The following SGMS2 variants were observed in gnomAD, a reference collection of about 807,000 sequenced individuals.
The protein encoded by SGMS2 is sphingomyelin synthase 2, also known as phosphatidylcholine:ceramide cholinephosphotransferase 2.
Under a neutral mutation model 43.8 loss-of-function variants are expected in SGMS2, and 21 were observed. The ratio of observed to expected loss-of-function variants is 0.48; its 90% CI spans 0.34 to 0.69. SGMS2 has a LOEUF of 0.69. Ranked by LOEUF, SGMS2 falls within the 30% of genes least tolerant of loss-of-function variation. SGMS2 has a pLI of 0.01. For missense variants in SGMS2, 384 were observed against 443.2 expected, an observed-to-expected ratio of 0.87 and a Z score of 1.20; for synonymous variants, 167 against 160.6, an observed-to-expected ratio of 1.04 and a Z score of -0.30.
At chr4:107,883,815 A>G (rs1253052158) in intron 2 of SGMS2, among the ~76,000 whole-genome samples, 2 of 152,234 alleles carry the variant, frequency 1.3e-5, no homozygotes, top group African/African-American at 4.8e-5. Flanking sequence ...TAAAAATGCC[A>G]TTCAAACCCA....
chr4:107,850,626 A>G (rs1727084396), intron 1 of SGMS2, among the ~76,000 whole-genome samples: 1 of 152,084 alleles, frequency 6.6e-6, no homozygotes, highest in African/African-American at 2.4e-5. Context: ...CATTAGTAAC[A>G]TTTACTCCTT....
chr4:107,850,481 G>GGA (rs1410113810), intron 1 of SGMS2, among the ~76,000 whole-genome samples: 5 of 152,108 alleles, frequency 3.3e-5, no homozygotes, highest in African/African-American at 1.2e-4. Context: ...GACTCTTTAT[G>GGA]GAGGTAAGGG....
Position 107,825,046 on chromosome 4 carries a change from G to A in SGMS2, c.-534G>A, listed in dbSNP as rs1224178921. On this transcript the variant is annotated 5_prime_UTR_variant, in exon 1 of 7. Transcript: ENST00000690982. ...GCGGCCTCGGGGGCGGCGGCCGCGG[G>A]AGGGACCCGGAGAGCTGCTTCCCCT... 1 of 152,062 alleles carries A rather than the reference G, an allele frequency of 6.6e-6. No homozygotes were observed. The highest frequency in any genetic ancestry group is 1.5e-5 in the Non-Finnish European group (1 of 68,058). 9.4% of individuals were successfully genotyped at this position (152,062 alleles called of 1,614,324 possible).
intron 2 of SGMS2, among the ~76,000 whole-genome samples, chr4:107,892,214 G>C (rs1434691568): frequency 3.4e-5 from 4 of 116,230 alleles, no homozygotes; most frequent in Non-Finnish European, 5.0e-5. Flanking sequence ...CCTGCCTTGT[G>C]TTGGAAGCAA....
chr4:107,893,932 T>C (rs1199450213), intron 2 of SGMS2, among the ~76,000 whole-genome samples: 6 of 152,320 alleles, frequency 3.9e-5, no homozygotes, highest in Non-Finnish European at 7.4e-5. Flanking sequence ...TTGGTTAGAC[T>C]GCAAGCTCTT....
rs1729132584 is a variant in SGMS2, at chr4:107,878,981, G to A, written c.-244-16329G>A. On this transcript the variant is annotated intron_variant, in intron 2 of 6. Transcript: ENST00000690982. ...ATCCCTGTGTGCTACACTGTGGACT[G>A]CAGATCATCCCTGCTTGTGAGATAC... Among the ~76,000 whole-genome samples the A allele has an allele frequency of 2.0e-5, 3 of 152,222 alleles. No individual in the cohort carries two copies. In the South Asian group the frequency reaches 6.2e-4, roughly 32 times the overall value.
At chr4:107,855,347 G>A (rs1329268055) in intron 1 of SGMS2, among the ~76,000 whole-genome samples, 1 of 152,006 alleles carries the variant, frequency 6.6e-6, no homozygotes, top group East Asian at 1.9e-4. Context: ...AAATTCCCTC[G>A]GTACTGCTTT....
In SGMS2 at chr4:107,831,383, C is replaced by T. The variant is rs185877628; in HGVS notation, c.-327+6130C>T. On this transcript the variant is annotated intron_variant, in intron 1 of 6. Transcript: ENST00000690982. ...GCTTGGACCTGAGTCACAGCACTGC[C>T]ACTCATCACTAGATACCCTGGAGCA... Among the ~76,000 whole-genome samples, 464 of 152,276 alleles carry T rather than the reference C, an allele frequency of 3.0e-3. 2 individuals are homozygous for T. Among genetic ancestry groups the T allele is most frequent in the African/African-American group, 0.011 (443 of 41,534 alleles).
chr4:107,840,763 C>T (rs370935198), intron 1 of SGMS2, among the ~76,000 whole-genome samples: 2 of 152,204 alleles, frequency 1.3e-5, no homozygotes, highest in African/African-American at 4.8e-5. Flanking sequence ...AGGTTATGCT[C>T]TAGGGCCAAT....
At chr4:107,902,086 C>CTTT (rs574752893) in intron 4 of SGMS2, among the ~76,000 whole-genome samples, 5,172 of 143,216 alleles carry the variant, frequency 0.036, 98 homozygotes, top group Non-Finnish European at 0.045. Context: ...TTGTTTTTTC[C>CTTT]TTTTTTTTTT....
intron 1 of SGMS2, among the ~76,000 whole-genome samples, chr4:107,855,315 G>A (rs987049640): frequency 2.0e-5 from 3 of 151,944 alleles, no homozygotes; most frequent in Admixed American, 6.6e-5. Context: ...CTATGTTTTC[G>A]ATGTAGGCAT....
At chr4:107,832,469 G>T (rs1725944487) in intron 1 of SGMS2, among the ~76,000 whole-genome samples, 1 of 152,262 alleles carries the variant, frequency 6.6e-6, no homozygotes. Context: ...TGAAACACAG[G>T]GGGGTTAAGT....
chr4:107,847,666 A>G (rs1242604706), intron 1 of SGMS2, among the ~76,000 whole-genome samples: 2 of 152,180 alleles, frequency 1.3e-5, no homozygotes, highest in African/African-American at 4.8e-5. Context: ...GTTGCGTTGC[A>G]TCTTAAACCA....
intron 2 of SGMS2, among the ~76,000 whole-genome samples, chr4:107,859,438 C>T (rs1045550314): frequency 2.0e-5 from 3 of 152,100 alleles, no homozygotes; most frequent in Non-Finnish European, 4.4e-5. Context: ...GTGAAATTCA[C>T]AATAATTCTA....
At chr4:107,879,662 A>ATG (rs1199814004) in intron 2 of SGMS2, among the ~76,000 whole-genome samples, 1 of 151,860 alleles carries the variant, frequency 6.6e-6, no homozygotes, top group African/African-American at 2.4e-5. Context: ...GGGTTTTGTC[A>ATG]TGTTGCCCAG....
chr4:107,834,410 C>CT (rs778355738), intron 1 of SGMS2, among the ~76,000 whole-genome samples: 3 of 152,166 alleles, frequency 2.0e-5, no homozygotes, highest in Admixed American at 1.3e-4. Context: ...CCACTTGAAT[C>CT]TTTTTTGTCA....
At chr4:107,904,110 C>T (rs1731355610) in intron 5 of SGMS2, among the ~76,000 whole-genome samples, 1 of 152,092 alleles carries the variant, frequency 6.6e-6, no homozygotes. Context: ...CAGTAGGTCT[C>T]ATTTTTATAT....
rs1332075582 is a variant in SGMS2, at chr4:107,895,815, T to C, written c.262T>C (p.Phe88Leu). ...KTGIAFIYAV[F>L]NLVLTTVMIT... ...GGGCATTGCCTTCATATATGCAGTT[T>C]TCAACCTCGTCTTGACAACCGTCAT... The change falls in exon 3 of 7, where the codon TTC becomes CTC. Residue 88 changes from phenylalanine to leucine, a missense_variant. Phe to Leu is a conservative substitution (Grantham distance 22, BLOSUM62 0). Coordinates refer to ENST00000690982, the MANE Select transcript of SGMS2 (RefSeq NM_001375905.1). 3.1e-6 allele frequency: 5 copies of C among 1,613,878 alleles called. No individual in the cohort carries two copies. The highest frequency in any genetic ancestry group is 4.2e-6 in the Non-Finnish European group (5 of 1,179,944).
chr4:107,862,077 G>A (rs1282167337), intron 2 of SGMS2, among the ~76,000 whole-genome samples: 1 of 152,226 alleles, frequency 6.6e-6, no homozygotes, highest in Admixed American at 6.5e-5. Flanking sequence ...CAGTATTGGG[G>A]TGGTGGTGGG....
Sources: allele counts gnomAD v4.1 joint callset (sites outside exome capture counted in the v4.1 genomes callset), GRCh38; gene constraint gnomAD v4.1.1; transcripts MANE v1.5; gene names NCBI Gene and HGNC (gene_info 2026-07-23, HGNC 2026-07-21).